DCC: variants seen among roughly 807,000 people sequenced by gnomAD.
DCC encodes the protein netrin receptor DCC.
Under a neutral mutation model 172.5 loss-of-function variants are expected in DCC, and 58 were observed. The ratio of observed to expected loss-of-function variants is 0.34; its 90% confidence interval spans 0.27 to 0.42. The LOEUF is 0.42. DCC is among the 10% of genes least tolerant of loss of function. The probability of loss-of-function intolerance (pLI) is 1.00; values close to 1 mark genes in which losing one functional copy is unlikely to be tolerated. For synonymous variants in DCC, 709 were observed against 644.5 expected, an observed-to-expected ratio of 1.10 and a Z score of -1.52; for missense variants, 1,740 against 1,791.0, an observed-to-expected ratio of 0.97 and a Z score of 0.51.
At chr18:53,426,415 ATATATATT>A (rs922020743) in intron 21 of DCC, among the ~76,000 whole-genome samples, 5 of 70,134 alleles carry the variant, frequency 7.1e-5, no homozygotes, top group African/African-American at 9.2e-5. Context: ...TATTTTTATG[ATATATATT>A]TATATATTTA....
At chr18:53,022,738 A>C (rs2041899028) in intron 5 of DCC, among the ~76,000 whole-genome samples, 1 of 152,088 alleles carries the variant, frequency 6.6e-6, no homozygotes. Flanking sequence ...AGAATTGTCA[A>C]AAGCATCAAT....
intron 1 of DCC, 69 bp from the exon 2 acceptor site, chr18:52,751,985 A>T: frequency 7.5e-7 from 1 of 1,331,572 alleles, no homozygotes; most frequent in East Asian, 2.4e-5. Context: ...TGTAAAGAAA[A>T]GACAGGGAAT....
chr18:53,244,744 A>G (rs144489345), intron 12 of DCC, among the ~76,000 whole-genome samples: 14 of 152,208 alleles, frequency 9.2e-5, no homozygotes, highest in African/African-American at 2.9e-4. Flanking sequence ...GATTACACAA[A>G]GCTATGGTTC....
At chr18:52,885,759 A>G (rs770894518) in intron 2 of DCC, among the ~76,000 whole-genome samples, 1 of 152,026 alleles carries the variant, frequency 6.6e-6, no homozygotes, top group Non-Finnish European at 1.5e-5. Context: ...ACAGCTGGGA[A>G]TGTGCTGGAT....
rs144963587 is a variant in DCC, at chr18:53,178,625, C to T, written c.1419-337C>T. Among the ~76,000 whole-genome samples, 34 of 152,324 alleles carry T rather than the reference C, an allele frequency of 2.2e-4. No individual in the cohort carries two copies. The East Asian group carries it at 5.8e-3, about 26-fold the overall frequency. On this transcript the variant is annotated intron_variant, in intron 8 of 28. Transcript: ENST00000442544. ...TTTACAAAACTCGTCTTCCTGTCTA[C>T]ATTCCAGATGTTTCTCCTTATTTTA...
chr18:52,854,835 C>T (rs2039027463), intron 2 of DCC, among the ~76,000 whole-genome samples: 1 of 152,178 alleles, frequency 6.6e-6, no homozygotes, highest in Non-Finnish European at 1.5e-5. Context: ...GACCCATTAA[C>T]ATTGGGCATG....
At chr18:53,440,199 C>A (rs2145128326) in intron 22 of DCC, among the ~76,000 whole-genome samples, 1 of 152,320 alleles carries the variant, frequency 6.6e-6, no homozygotes, top group South Asian at 2.1e-4. Flanking sequence ...ATTGCTTCAA[C>A]ATAATCCTCC....
At chr18:52,497,114 A>C (rs1194475596) in intron 1 of DCC, among the ~76,000 whole-genome samples, 1 of 151,178 alleles carries the variant, frequency 6.6e-6, no homozygotes, top group African/African-American at 2.4e-5. Flanking sequence ...AAAAATAATT[A>C]GCCGGGCCTG....
chr18:52,831,445 T>C (rs1276244359), intron 2 of DCC, among the ~76,000 whole-genome samples: 1 of 152,148 alleles, frequency 6.6e-6, no homozygotes, highest in Admixed American at 6.5e-5. Flanking sequence ...GGAAGCCAGT[T>C]AAGCTGTTGC....
intron 1 of DCC, among the ~76,000 whole-genome samples, chr18:52,733,943 G>T (rs2036685553): frequency 6.6e-6 from 1 of 152,124 alleles, no homozygotes; most frequent in Admixed American, 6.6e-5. Flanking sequence ...AAATAGAAAT[G>T]TATATTCTAT....
intron 15 of DCC, among the ~76,000 whole-genome samples, chr18:53,384,987 C>T (rs1908050791): frequency 6.7e-6 from 1 of 148,170 alleles, no homozygotes; most frequent in Admixed American, 6.7e-5. Flanking sequence ...AGCTGGGACT[C>T]GGGCACCCGC....
intron 2 of DCC, among the ~76,000 whole-genome samples, chr18:52,881,656 T>C (rs2145405478): frequency 6.6e-6 from 1 of 152,334 alleles, no homozygotes; most frequent in Non-Finnish European, 1.5e-5. Flanking sequence ...GTTCCATTGG[T>C]CTATGTGTCT....
At chr18:53,068,298 A>G (rs1378591377) in intron 7 of DCC, among the ~76,000 whole-genome samples, 3 of 152,096 alleles carry the variant, frequency 2.0e-5, no homozygotes, top group Admixed American at 1.3e-4. Flanking sequence ...GTTTTAGGGT[A>G]CATGTGCATA....
At chr18:52,590,496 AT>A (rs2033776046) in intron 1 of DCC, among the ~76,000 whole-genome samples, 1 of 152,196 alleles carries the variant, frequency 6.6e-6, no homozygotes, top group Non-Finnish European at 1.5e-5. Context: ...GCTGATCGTA[AT>A]TTGACACTTT....
chr18:53,426,614 C>T (rs1014854942), intron 21 of DCC, among the ~76,000 whole-genome samples: 1 of 150,724 alleles, frequency 6.6e-6, no homozygotes, highest in Non-Finnish European at 1.5e-5. Context: ...AGATAATCAT[C>T]CTGTTTTTCC....
At chr18:53,151,265 G>A (rs1344848886) in intron 7 of DCC, among the ~76,000 whole-genome samples, 2 of 152,170 alleles carry the variant, frequency 1.3e-5, no homozygotes, top group African/African-American at 4.8e-5. Context: ...GTGAGGTGGT[G>A]TGTTCTAATG....
intron 12 of DCC, among the ~76,000 whole-genome samples, chr18:53,285,917 C>A (rs1320944857): frequency 1.3e-5 from 2 of 152,212 alleles, no homozygotes; most frequent in South Asian, 4.1e-4. Flanking sequence ...CTCTGGATTT[C>A]GAACTTGCAT....
intron 13 of DCC, among the ~76,000 whole-genome samples, chr18:53,318,776 T>A (rs1392319556): frequency 1.4e-5 from 2 of 145,144 alleles, no homozygotes; most frequent in African/African-American, 5.2e-5. Context: ...TTTTTTGTGA[T>A]CTTTGAGAAA....
chr18:53,249,817 A>G (rs902222955), intron 12 of DCC, among the ~76,000 whole-genome samples: 1 of 151,980 alleles, frequency 6.6e-6, no homozygotes, highest in South Asian at 2.1e-4. Context: ...CTTCAATAAA[A>G]GTTAATGGCA....
Sources: allele counts gnomAD v4.1 joint callset (sites outside exome capture counted in the v4.1 genomes callset), GRCh38; gene constraint gnomAD v4.1.1; transcripts MANE v1.5; gene names NCBI Gene and HGNC (gene_info 2026-07-23, HGNC 2026-07-21).